The following XPNPEP3 variants were observed in gnomAD, a reference collection of about 807,000 sequenced individuals.
The protein encoded by XPNPEP3 is X-prolyl aminopeptidase 3, also known as xaa-Pro aminopeptidase 3.
Under a neutral mutation model 60.0 loss-of-function variants are expected in XPNPEP3, and 41 were observed. The ratio of observed to expected loss-of-function variants is 0.68; its 90% CI spans 0.53 to 0.89. XPNPEP3 has a LOEUF of 0.89. Ranked by LOEUF, XPNPEP3 falls within the 40% of genes least tolerant of loss-of-function variation. The pLI, the probability that XPNPEP3 is intolerant of heterozygous loss-of-function variation, is 0.00. For missense variants in XPNPEP3, 598 were observed against 638.9 expected, an observed-to-expected ratio of 0.94 and a Z score of 0.69; for synonymous variants, 212 against 223.2, an observed-to-expected ratio of 0.95 and a Z score of 0.45.
chr22:40,897,350 T>C (rs2058112853), intron 4 of XPNPEP3, among the ~76,000 whole-genome samples: 1 of 152,102 alleles, frequency 6.6e-6, no homozygotes, highest in Admixed American at 6.6e-5. Context: ...TCATCTGTCA[T>C]TGGACACTTG....
chr22:40,915,749 A>G (rs560419663), intron 7 of XPNPEP3, among the ~76,000 whole-genome samples: 9 of 152,096 alleles, frequency 5.9e-5, no homozygotes, highest in Non-Finnish European at 1.3e-4. Context: ...GGCTTGTGGA[A>G]ACTCTGAGCC....
At position 40,928,105 on chromosome 22, in the gene XPNPEP3, C is replaced by G. The variant is rs907266065; in HGVS notation, c.*1670C>G. On this transcript the variant is annotated 3_prime_UTR_variant, in exon 10 of 10. Coordinates refer to ENST00000357137, the MANE Select transcript of XPNPEP3 (RefSeq NM_022098.4). ...TGATTTCCTCTAGTGCTAATAGAAA[C>G]AAAATATGGAATCTACCAAGTACCC... The G allele has an allele frequency of 2.0e-5, 3 of 150,944 alleles. No individual in the cohort carries two copies. 9.4% of individuals were successfully genotyped at this position (150,944 alleles called of 1,614,324 possible).
intron 2 of XPNPEP3, among the ~76,000 whole-genome samples, chr22:40,876,756 C>CA (rs1202657859): frequency 6.6e-6 from 1 of 152,162 alleles, no homozygotes; most frequent in Non-Finnish European, 1.5e-5. Flanking sequence ...ATACCTATGC[C>CA]AAAAAATACT....
At chr22:40,872,178 G>A (rs2058008576) in intron 2 of XPNPEP3, among the ~76,000 whole-genome samples, 1 of 152,188 alleles carries the variant, frequency 6.6e-6, no homozygotes, top group African/African-American at 2.4e-5. Context: ...GATGATACAG[G>A]AAATAAAGAA....
At chr22:40,899,346 A>C (rs2058122275) in intron 4 of XPNPEP3, among the ~76,000 whole-genome samples, 1 of 152,172 alleles carries the variant, frequency 6.6e-6, no homozygotes, top group South Asian at 2.1e-4. Flanking sequence ...AAACTATTGA[A>C]TATTTAGCAG....
chr22:40,888,601 G>C (rs1297366594), intron 4 of XPNPEP3: 1 of 165,536 alleles, frequency 6.0e-6, no homozygotes, highest in East Asian at 1.9e-4. Context: ...TATTTTATTT[G>C]TCTATTCATC....
At chr22:40,920,911 G>T (rs995991358) in intron 7 of XPNPEP3, among the ~76,000 whole-genome samples, 2 of 152,118 alleles carry the variant, frequency 1.3e-5, no homozygotes, top group African/African-American at 4.8e-5. Flanking sequence ...TTCTGCCTCA[G>T]CCTCCCGAGT....
In XPNPEP3 at chr22:40,882,139, C is replaced by T. The variant is rs763626716; in HGVS notation, c.551C>T (p.Thr184Met). 1.3e-5 allele frequency: 21 copies of T among 1,614,120 alleles called. No homozygotes were observed. The highest frequency in any genetic ancestry group is 1.6e-5 in the Non-Finnish European group (19 of 1,180,022). ...IALTGVDEAY[T>M]LEEFQHLLPK... is the part of the protein sequence containing the mutation. Reference sequence around the variant, plus strand: ...CTAACTGGAGTAGACGAAGCCTATACGCTAGAAGAATTTCAACATCTTCTA... The same window carrying T: ...CTAACTGGAGTAGACGAAGCCTATATGCTAGAAGAATTTCAACATCTTCTA... The change falls in exon 3 of 10, where the codon ACG (threonine) becomes ATG (methionine). Residue 184 changes from threonine to methionine, a missense_variant. Thr to Met is a moderately conservative substitution (Grantham distance 81). Transcript: ENST00000357137.
chr22:40,870,093 C>T (rs2057997895), intron 2 of XPNPEP3: 1 of 470,826 alleles, frequency 2.1e-6, no homozygotes, highest in Admixed American at 2.4e-5. Flanking sequence ...GGAAATGCAG[C>T]TCACCACTGA....
chr22:40,865,887 A>G (rs2057976381), intron 1 of XPNPEP3, among the ~76,000 whole-genome samples: 2 of 152,164 alleles, frequency 1.3e-5, no homozygotes, highest in African/African-American at 4.8e-5. Context: ...TCTTTCTCAC[A>G]CTAAAATATT....
chr22:40,862,094 A>G, intron 1 of XPNPEP3: 1 of 1,513,194 alleles, frequency 6.6e-7, no homozygotes, highest in South Asian at 1.4e-5. Context: ...AGTGACTGCA[A>G]ATAGGTACAC....
chr22:40,925,523 G>A (rs539025235), intron 9 of XPNPEP3, among the ~76,000 whole-genome samples: 16 of 152,218 alleles, frequency 1.1e-4, no homozygotes, highest in African/African-American at 2.2e-4. Context: ...GTACATGGGC[G>A]CTTCCTTAGA....
chr22:40,889,192 G>GGCTCAT (rs140989010), intron 4 of XPNPEP3, among the ~76,000 whole-genome samples: 9,852 of 151,928 alleles, frequency 0.065, 1,022 homozygotes, highest in African/African-American at 0.22. Context: ...CACCATGGCT[G>GGCTCAT]TTTTTAGGTT....
intron 4 of XPNPEP3, among the ~76,000 whole-genome samples, chr22:40,897,856 A>T (rs529857729): frequency 1.1e-4 from 16 of 152,046 alleles, no homozygotes; most frequent in Non-Finnish European, 1.9e-4. Flanking sequence ...GCATATTTTC[A>T]TGTGTTTATT....
chr22:40,904,596 G>T (rs1886711731), intron 4 of XPNPEP3, among the ~76,000 whole-genome samples: 1 of 152,050 alleles, frequency 6.6e-6, no homozygotes, highest in African/African-American at 2.4e-5. Flanking sequence ...TCTATGCCAG[G>T]CAATAAGGGT....
chr22:40,864,169 A>G (rs191804009), intron 1 of XPNPEP3, among the ~76,000 whole-genome samples: 17 of 152,344 alleles, frequency 1.1e-4, no homozygotes, highest in Admixed American at 9.1e-4. Flanking sequence ...TATATCCTAA[A>G]CAGGAAGTGG....
intron 2 of XPNPEP3, among the ~76,000 whole-genome samples, chr22:40,876,716 T>G (rs370862100): frequency 6.6e-6 from 1 of 152,130 alleles, no homozygotes; most frequent in Non-Finnish European, 1.5e-5. Flanking sequence ...TAACTCAGAA[T>G]CCACACTTTC....
intron 4 of XPNPEP3, 147 bp from the exon 5 acceptor site, chr22:40,907,440 C>G (rs1400589761): frequency 4.1e-6 from 3 of 737,666 alleles, no homozygotes; most frequent in African/African-American, 1.8e-5. Flanking sequence ...ACAAAAAAAA[C>G]TGTATTATTA....
rs918331910 is a variant in XPNPEP3 at position 40,858,809 on chromosome 22, C to T, written c.64+1564C>T. 2.6e-5 allele frequency among the ~76,000 whole-genome samples: 4 copies of T among 152,172 alleles called. No individual in the cohort carries two copies. The South Asian group carries it at 8.3e-4, about 32-fold the overall frequency. On this transcript the variant is annotated intron_variant, in intron 1 of 9. Coordinates refer to ENST00000357137, the MANE Select transcript of XPNPEP3 (RefSeq NM_022098.4). ...CCTCCCAAAGTGCTGGGATTACAGGCGTGAGCCACCGCGCCCGGCTTAGGA... is the reference window on the plus strand; with the variant it reads ...CCTCCCAAAGTGCTGGGATTACAGGTGTGAGCCACCGCGCCCGGCTTAGGA...
Sources: gnomAD v4.1 joint callset for allele counts (sites outside exome capture counted in the v4.1 genomes callset) on GRCh38, gnomAD v4.1.1 for gene constraint, MANE v1.5 for transcripts, NCBI Gene and HGNC (gene_info 2026-07-23, HGNC 2026-07-21) for gene names.